The following FHIT variants were observed in gnomAD, a reference collection of about 807,000 sequenced individuals.
FHIT encodes the protein bis(5'-adenosyl)-triphosphatase.
FHIT carries 19 observed loss-of-function variants against 17.9 expected under a neutral mutation model. The observed-to-expected ratio is 1.06, with a 90% CI of 0.74 to 1.56. The LOEUF (loss-of-function observed/expected upper bound fraction) is 1.56. Ranked by LOEUF, FHIT falls within the 40% of genes most tolerant of loss-of-function variation. The pLI is 0.00. For missense variants in FHIT, 248 were observed against 189.2 expected, an observed-to-expected ratio of 1.31 and a Z score of -1.82; for synonymous variants, 81 against 69.7, an observed-to-expected ratio of 1.16 and a Z score of -0.81.
chr3:60,779,271 A>G (rs1228532257), intron 4 of FHIT, among the ~76,000 whole-genome samples: 2 of 152,322 alleles, frequency 1.3e-5, no homozygotes, highest in East Asian at 3.9e-4. Context: ...ATTAAATGCT[A>G]AACTCATTAG....
At chr3:60,507,242 C>T (rs1353399665) in intron 5 of FHIT, among the ~76,000 whole-genome samples, 2 of 152,066 alleles carry the variant, frequency 1.3e-5, no homozygotes, top group Non-Finnish European at 2.9e-5. Context: ...AATGCAAAAA[C>T]ATTCCAGTCA....
intron 2 of FHIT, among the ~76,000 whole-genome samples, chr3:61,107,183 T>C (rs903892898): frequency 1.3e-5 from 2 of 152,132 alleles, no homozygotes; most frequent in Non-Finnish European, 2.9e-5. Flanking sequence ...CCTCTATGAG[T>C]TTGACTGTTT....
intron 3 of FHIT, among the ~76,000 whole-genome samples, chr3:60,875,385 C>T (rs1433455256): frequency 1.3e-5 from 2 of 152,162 alleles, no homozygotes; most frequent in Non-Finnish European, 2.9e-5. Flanking sequence ...TGAATGGCTG[C>T]CCATCAACAT....
intron 8 of FHIT, among the ~76,000 whole-genome samples, chr3:59,858,236 C>CTTTTTTTTTT (rs563841299): frequency 5.9e-5 from 5 of 84,454 alleles, no homozygotes; most frequent in Non-Finnish European, 8.4e-5. Context: ...TTCCCACCTT[C>CTTTTTTTTTT]TTTTTTTTTT....
chr3:61,220,458 T>C (rs978726182), intron 1 of FHIT, among the ~76,000 whole-genome samples: 1 of 152,234 alleles, frequency 6.6e-6, no homozygotes, highest in Non-Finnish European at 1.5e-5. Context: ...TTTATTTCAA[T>C]TTATATGTAT....
chr3:60,233,027 T>G (rs1228298552), intron 5 of FHIT, among the ~76,000 whole-genome samples: 1 of 152,104 alleles, frequency 6.6e-6, no homozygotes, highest in Non-Finnish European at 1.5e-5. Context: ...TGTGCAGTGG[T>G]GGTGACTGGG....
intron 8 of FHIT, among the ~76,000 whole-genome samples, chr3:59,888,829 T>C (rs1005502342): frequency 6.6e-6 from 1 of 152,178 alleles, no homozygotes; most frequent in African/African-American, 2.4e-5. Flanking sequence ...AACAGAAATT[T>C]ATTTGGCTCA....
At chr3:60,608,314 A>T (rs2038674436) in intron 4 of FHIT, among the ~76,000 whole-genome samples, 1 of 151,608 alleles carries the variant, frequency 6.6e-6, no homozygotes, top group Non-Finnish European at 1.5e-5. Flanking sequence ...AAACACAAAC[A>T]CTCTCATTCT....
At position 60,088,488 on chromosome 3, in the gene FHIT, G is replaced by A. The variant is rs541467024; in HGVS notation, c.104-74336C>T. Among the ~76,000 whole-genome samples, 16 of 152,226 alleles carry A rather than the reference G, an allele frequency of 1.1e-4. 1 individual carries two copies. In the South Asian group the frequency reaches 2.3e-3, roughly 22 times the overall value. On this transcript the variant is annotated intron_variant, in intron 5 of 9. Coordinates refer to ENST00000492590, the MANE Select transcript of FHIT (RefSeq NM_002012.4). Reference sequence around the variant, plus strand: ...GCATAAAGTGCTATTCCCTATGCCCGAGTATCATCCTACATCATCATGTCA... The same window carrying A: ...GCATAAAGTGCTATTCCCTATGCCCAAGTATCATCCTACATCATCATGTCA...
intron 5 of FHIT, among the ~76,000 whole-genome samples, chr3:60,461,996 C>G (rs2032503626): frequency 6.6e-6 from 1 of 152,110 alleles, no homozygotes; most frequent in Non-Finnish European, 1.5e-5. Context: ...CCGGTTGAAA[C>G]CGAGGTTGAA....
At chr3:61,216,420 A>C (rs2039676772) in intron 1 of FHIT, among the ~76,000 whole-genome samples, 1 of 152,238 alleles carries the variant, frequency 6.6e-6, no homozygotes, top group African/African-American at 2.4e-5. Context: ...CCATGAGAGA[A>C]ATGCAAATCA....
chr3:60,386,011 C>T (rs1472839777), intron 5 of FHIT, among the ~76,000 whole-genome samples: 2 of 152,122 alleles, frequency 1.3e-5, no homozygotes, highest in Admixed American at 6.5e-5. Context: ...GTAGCAGGTG[C>T]TTCTGAGTGC....
At chr3:60,081,529 T>G (rs1230150539) in intron 5 of FHIT, among the ~76,000 whole-genome samples, 1 of 152,136 alleles carries the variant, frequency 6.6e-6, no homozygotes. Flanking sequence ...AAGGAACTAT[T>G]GGCTAATCAT....
intron 5 of FHIT, among the ~76,000 whole-genome samples, chr3:60,022,583 T>A (rs984211430): frequency 4.6e-5 from 7 of 152,214 alleles, no homozygotes; most frequent in Non-Finnish European, 8.8e-5. Flanking sequence ...CCTCTGAGCA[T>A]CGTGGTCACA....
At chr3:60,401,020 A>G (rs780265279) in intron 5 of FHIT, among the ~76,000 whole-genome samples, 4 of 152,108 alleles carry the variant, frequency 2.6e-5, no homozygotes, top group Non-Finnish European at 5.9e-5. Flanking sequence ...AAACAGACCT[A>G]CCACCTAGAT....
At chr3:60,939,259 T>G (rs144262767) in intron 3 of FHIT, among the ~76,000 whole-genome samples, 7 of 152,350 alleles carry the variant, frequency 4.6e-5, no homozygotes, top group African/African-American at 1.7e-4. Flanking sequence ...TTCTCATTAT[T>G]TCCTTAGGGA....
intron 7 of FHIT, among the ~76,000 whole-genome samples, chr3:59,975,452 C>T (rs889802898): frequency 2.6e-5 from 4 of 151,958 alleles, no homozygotes; most frequent in African/African-American, 9.7e-5. Flanking sequence ...TAGTTCCTGG[C>T]CACACAGTAA....
chr3:60,877,123 G>C (rs1270804553), intron 3 of FHIT, among the ~76,000 whole-genome samples: 1 of 152,148 alleles, frequency 6.6e-6, no homozygotes, highest in Non-Finnish European at 1.5e-5. Flanking sequence ...ACTCACCTCA[G>C]AGAAGGAACT....
chr3:60,494,386 T>A (rs1388894605), intron 5 of FHIT, among the ~76,000 whole-genome samples: 2 of 152,150 alleles, frequency 1.3e-5, no homozygotes, highest in African/African-American at 4.8e-5. Context: ...TGACATGTTT[T>A]GATACAGACA....
Sources: allele counts gnomAD v4.1 joint callset (sites outside exome capture counted in the v4.1 genomes callset), GRCh38; gene constraint gnomAD v4.1.1; transcripts MANE v1.5; gene names NCBI Gene and HGNC (gene_info 2026-07-23, HGNC 2026-07-21).